Variants in ZNRF1 observed in about 807,000 individuals in gnomAD.
The protein encoded by ZNRF1 is zinc and ring finger 1.
In ZNRF1, 3 loss-of-function variants were observed where a neutral mutation model predicts 18.4. That is an observed-to-expected ratio of 0.16 (90% CI 0.07 to 0.42). ZNRF1 has a LOEUF of 0.42. Among genes scored for constraint, ZNRF1 ranks in the 10% least tolerant of loss-of-function variants. The probability of loss-of-function intolerance (pLI) is 0.99; values close to 1 mark genes in which losing one functional copy is unlikely to be tolerated. For synonymous variants in ZNRF1, 157 were observed against 144.2 expected, an observed-to-expected ratio of 1.09 and a Z score of -0.64; for missense variants, 310 against 329.8, an observed-to-expected ratio of 0.94 and a Z score of 0.47.
At position 75,085,821 on chromosome 16, in the gene ZNRF1, A is replaced by AGTGT. The variant is rs369370172; in HGVS notation, c.425-7732_425-7729dup. 6.4e-3 allele frequency among the ~76,000 whole-genome samples: 933 copies of AGTGT among 146,312 alleles called. 10 individuals are homozygous for AGTGT. Among genetic ancestry groups the AGTGT allele is most frequent in the African/African-American group, 0.023 (872 of 38,744 alleles). ...GAGAGAGAGAGAGAGAGAGAGAGTG[A>AGTGT]GTGTGTGTGTGTGTGTGTGTGTAGA... On this transcript the variant is annotated intron_variant, in intron 1 of 4. Transcript: ENST00000335325.
intron 2 of ZNRF1, among the ~76,000 whole-genome samples, chr16:75,094,201 G>T (rs1238856695): frequency 2.6e-5 from 4 of 152,184 alleles, no homozygotes; most frequent in Non-Finnish European, 5.9e-5. Context: ...GCTTGACGGG[G>T]GACTATGTGT....
At chr16:75,014,122 C>T (rs2035035728) in intron 1 of ZNRF1, among the ~76,000 whole-genome samples, 1 of 152,154 alleles carries the variant, frequency 6.6e-6, no homozygotes, top group Non-Finnish European at 1.5e-5. Flanking sequence ...TGAGCTGCCG[C>T]GCCTAGCCTG....
rs1246870268 is a variant in ZNRF1, at chr16:75,087,724, G to A, written c.425-5848G>A. On this transcript the variant is annotated intron_variant, in intron 1 of 4. Coordinates refer to ENST00000335325, the MANE Select transcript of ZNRF1 (RefSeq NM_032268.5). ...GGCAGAAAAGGACAAGGAACCCGGGGTACGTTCCCTGCCTCTGCCTCTGTC... is the reference window on the plus strand; with the variant it reads ...GGCAGAAAAGGACAAGGAACCCGGGATACGTTCCCTGCCTCTGCCTCTGTC... Among the ~76,000 whole-genome samples, 3 of 152,224 alleles carry A rather than the reference G, an allele frequency of 2.0e-5. No individual in the cohort carries two copies. The East Asian group carries it at 5.8e-4, about 29-fold the overall frequency.
At chr16:75,097,045 G>A (rs921405003) in intron 2 of ZNRF1, among the ~76,000 whole-genome samples, 1 of 152,158 alleles carries the variant, frequency 6.6e-6, no homozygotes, top group East Asian at 1.9e-4. Context: ...TGGAAGGTGA[G>A]GATACTGTAT....
At chr16:75,072,338 C>A (rs1340610304) in intron 1 of ZNRF1, among the ~76,000 whole-genome samples, 1 of 152,164 alleles carries the variant, frequency 6.6e-6, no homozygotes, top group East Asian at 1.9e-4. Flanking sequence ...ATCACTGTCA[C>A]CCCAACCCAC....
Position 75,104,591 on chromosome 16 carries a change from T to C in ZNRF1, c.521-193T>C, listed in dbSNP as rs1444051415. ...CCATTTTGTCTTTGGGTAATTAACA[T>C]GTGATGTCCACGCATTATCTCCACG... On this transcript the variant is annotated intron_variant, in intron 2 of 4. Transcript: ENST00000335325. The C allele has an allele frequency of 2.9e-5, 14 of 489,276 alleles. No individual in the cohort carries two copies. The South Asian group carries it at 3.5e-4, about 12-fold the overall frequency. The allele number at this position is 489,276 out of a possible 1,614,324, so 30.3% of individuals were successfully genotyped here. A position where few individuals can be genotyped will look rare whatever the true frequency, so the allele number is the denominator to read the frequency against.
intron 1 of ZNRF1, among the ~76,000 whole-genome samples, chr16:75,073,933 C>G (rs1208037699): frequency 6.6e-6 from 1 of 152,096 alleles, no homozygotes; most frequent in Non-Finnish European, 1.5e-5. Context: ...TTTTCTCTTG[C>G]TATTTTCTCG....
chr16:75,106,648 C>T (rs1031265275), intron 4 of ZNRF1, 77 bp downstream of exon 4: 51 of 1,218,374 alleles, frequency 4.2e-5, no homozygotes, highest in South Asian at 1.1e-4. Flanking sequence ...TTTAGGGAGC[C>T]GGGCTGCCCT....
intron 1 of ZNRF1, among the ~76,000 whole-genome samples, chr16:75,026,076 C>T (rs187218449): frequency 6.6e-6 from 1 of 152,292 alleles, no homozygotes; most frequent in African/African-American, 2.4e-5. Flanking sequence ...CCAATAACCC[C>T]ATAGTTTGAG....
At chr16:75,046,209 A>G (rs754657094) in intron 1 of ZNRF1, among the ~76,000 whole-genome samples, 8 of 146,814 alleles carry the variant, frequency 5.4e-5, no homozygotes, top group Non-Finnish European at 9.0e-5. Context: ...GCCCAGCCAA[A>G]TGTTTGCATT....
intron 1 of ZNRF1, among the ~76,000 whole-genome samples, chr16:75,039,116 G>A (rs2035409468): frequency 1.3e-5 from 2 of 152,100 alleles, no homozygotes; most frequent in Admixed American, 1.3e-4. Flanking sequence ...AGAATTAATA[G>A]TTCCTATAGA....
rs2035869875 is a variant in ZNRF1, at chr16:75,071,469, C to A, written c.425-22103C>A. Among the ~76,000 whole-genome samples the A allele has an allele frequency of 2.6e-5, 4 of 152,274 alleles. No individual in the cohort carries two copies. In the South Asian group the frequency reaches 6.2e-4, roughly 24 times the overall value. On this transcript the variant is annotated intron_variant, in intron 1 of 4. Coordinates refer to ENST00000335325, the MANE Select transcript of ZNRF1 (RefSeq NM_032268.5). ...TCAGCAAGGGCCGTCAATCCAAATGCTGATGGTGGCCTCTCTATGTGGCCT... is the reference window on the plus strand; with the variant it reads ...TCAGCAAGGGCCGTCAATCCAAATGATGATGGTGGCCTCTCTATGTGGCCT...
chr16:75,070,054 C>T (rs1201885761), intron 1 of ZNRF1, among the ~76,000 whole-genome samples: 3 of 152,210 alleles, frequency 2.0e-5, no homozygotes. Flanking sequence ...TCCTTTTAAT[C>T]CATACACTTT....
Position 75,042,008 on chromosome 16 carries a change from A to T in ZNRF1, c.424+41913A>T, listed in dbSNP as rs980000109. 3.3e-5 allele frequency among the ~76,000 whole-genome samples: 5 copies of T among 152,128 alleles called. No individual in the cohort carries two copies. In the East Asian group the frequency reaches 9.6e-4, roughly 29 times the overall value. The stretch of plus-strand genomic sequence containing the variant: ...CAAAACTCCGTCTCAAAAAACAAAG[A>T]CTTAATTATTTTAATAGAGCAGTTT... On this transcript the variant is annotated intron_variant, in intron 1 of 4. Coordinates refer to ENST00000335325, the MANE Select transcript of ZNRF1 (RefSeq NM_032268.5).
intron 1 of ZNRF1, among the ~76,000 whole-genome samples, chr16:75,018,526 C>A (rs1034069899): frequency 6.6e-6 from 1 of 152,060 alleles, no homozygotes; most frequent in Non-Finnish European, 1.5e-5. Context: ...GGGAATGTTT[C>A]CTGCTTTTGG....
intron 2 of ZNRF1, chr16:75,095,027 C>T (rs1597907585): frequency 6.6e-6 from 1 of 152,200 alleles, no homozygotes; most frequent in Non-Finnish European, 1.5e-5. Flanking sequence ...GGCTCTTTCC[C>T]CTACAAAGCA....
At chr16:75,018,508 T>C (rs1336279968) in intron 1 of ZNRF1, among the ~76,000 whole-genome samples, 5 of 152,210 alleles carry the variant, frequency 3.3e-5, no homozygotes, top group Admixed American at 6.5e-5. Flanking sequence ...CTCCTGCTTT[T>C]TTTTAAAGGG....
chr16:75,022,642 A>G (rs917859313), intron 1 of ZNRF1, among the ~76,000 whole-genome samples: 14 of 152,250 alleles, frequency 9.2e-5, no homozygotes, highest in Non-Finnish European at 1.8e-4. Context: ...TTAATGAACA[A>G]AATTTAAATT....
intron 1 of ZNRF1, among the ~76,000 whole-genome samples, chr16:75,023,701 A>C (rs2035184556): frequency 6.7e-6 from 1 of 150,168 alleles, no homozygotes; most frequent in Non-Finnish European, 1.5e-5. Flanking sequence ...AACAAACAAA[A>C]AAAACAAAAA....
Sources: gnomAD v4.1 joint callset for allele counts (sites outside exome capture counted in the v4.1 genomes callset) on GRCh38, gnomAD v4.1.1 for gene constraint, MANE v1.5 for transcripts, NCBI Gene and HGNC (gene_info 2026-07-23, HGNC 2026-07-21) for gene names.